The following CYP7B1 variants were observed in gnomAD, a reference collection of about 807,000 sequenced individuals.
CYP7B1 encodes the protein cytochrome P450 7B1.
CYP7B1 carries 29 observed loss-of-function variants against 42.7 expected under a neutral mutation model. The ratio of observed to expected loss-of-function variants is 0.68; its 90% CI spans 0.51 to 0.93. The LOEUF (loss-of-function observed/expected upper bound fraction) is 0.93. Among genes scored for constraint, CYP7B1 ranks in the 40% least tolerant of loss-of-function variants. CYP7B1 has a pLI of 0.00. For missense variants in CYP7B1, 655 were observed against 600.5 expected (o/e 1.09, Z -0.95); for synonymous variants, 235 against 218.2 (o/e 1.08, Z -0.68).
At chr8:64,597,099 A>G (rs1163174329) in intron 5 of CYP7B1, among the ~76,000 whole-genome samples, 170 bp from the exon 6 acceptor site, 1 of 152,204 alleles carries the variant, frequency 6.6e-6, no homozygotes, top group Non-Finnish European at 1.5e-5. Flanking sequence ...AAAAACTCAA[A>G]TATTACTAGG....
chr8:64,757,531 T>A (rs1337646321), intron 1 of CYP7B1, among the ~76,000 whole-genome samples: 3 of 152,182 alleles, frequency 2.0e-5, no homozygotes, highest in Admixed American at 2.0e-4. Flanking sequence ...TCATGGAGAC[T>A]CCCAGGCCTA....
chr8:64,639,267 A>C (rs886452012), intron 1 of CYP7B1, among the ~76,000 whole-genome samples: 1 of 152,220 alleles, frequency 6.6e-6, no homozygotes, highest in African/African-American at 2.4e-5. Context: ...CCAACGTTAA[A>C]AATTCCACTC....
intron 3 of CYP7B1, 70 bp from the exon 4 acceptor site, chr8:64,615,302 T>A: frequency 6.9e-7 from 1 of 1,454,426 alleles, no homozygotes; most frequent in Admixed American, 1.9e-5. Context: ...AGTGTGCTAA[T>A]TAAAAGATGT....
chr8:64,762,467 A>C (rs1807904186), intron 1 of CYP7B1, among the ~76,000 whole-genome samples: 1 of 152,236 alleles, frequency 6.6e-6, no homozygotes, highest in African/African-American at 2.4e-5. Context: ...AAATTAAGAC[A>C]ATGAGTTATC....
intron 1 of CYP7B1, among the ~76,000 whole-genome samples, chr8:64,653,148 T>C (rs1806065997): frequency 6.6e-6 from 1 of 151,898 alleles, no homozygotes; most frequent in South Asian, 2.1e-4. Flanking sequence ...ATAACCAAAA[T>C]CAGAGCTGAA....
At chr8:64,672,352 A>G (rs577173615) in intron 1 of CYP7B1, among the ~76,000 whole-genome samples, 3 of 152,206 alleles carry the variant, frequency 2.0e-5, no homozygotes, top group African/African-American at 7.2e-5. Flanking sequence ...ACTCATTTGA[A>G]AGCAATATAG....
At chr8:64,629,743 C>G (rs1272894783) in intron 1 of CYP7B1, among the ~76,000 whole-genome samples, 1 of 152,120 alleles carries the variant, frequency 6.6e-6, no homozygotes, top group Non-Finnish European at 1.5e-5. Context: ...CACTCTTTAT[C>G]CCCGCACACT....
At position 64,647,299 on chromosome 8, in the gene CYP7B1, A is replaced by T. The variant is rs150574905; in HGVS notation, c.123-22760T>A. Among the ~76,000 whole-genome samples the T allele has an allele frequency of 1.4e-3, 215 of 152,286 alleles. 1 individual carries two copies. The highest frequency in any genetic ancestry group is 4.8e-3 in the African/African-American group (200 of 41,576). On this transcript the variant is annotated intron_variant, in intron 1 of 5. Coordinates refer to ENST00000310193, the MANE Select transcript of CYP7B1 (RefSeq NM_004820.5). Reference sequence around the variant, plus strand: ...ATCACTGACCACAGATCACTGAAAAAGGTATAATAATAATGAAAAAGTTTG... The same window carrying T: ...ATCACTGACCACAGATCACTGAAAATGGTATAATAATAATGAAAAAGTTTG...
chr8:64,663,798 C>T (rs1438667781), intron 1 of CYP7B1, among the ~76,000 whole-genome samples: 2 of 152,176 alleles, frequency 1.3e-5, no homozygotes, highest in African/African-American at 4.8e-5. Flanking sequence ...CCAAAAATTT[C>T]ATTTCTGTCC....
At chr8:64,700,991 TG>T (rs1806907965) in intron 1 of CYP7B1, among the ~76,000 whole-genome samples, 1 of 152,186 alleles carries the variant, frequency 6.6e-6, no homozygotes, top group African/African-American at 2.4e-5. Flanking sequence ...AAATCTTTTT[TG>T]CTTGTGTCCT....
intron 1 of CYP7B1, chr8:64,703,878 T>G (rs1229150443): frequency 6.6e-6 from 1 of 152,104 alleles, no homozygotes; most frequent in Non-Finnish European, 1.5e-5. Context: ...CTTCATCCTT[T>G]GGCTTTTTCT....
At chr8:64,730,731 C>G (rs1335291999) in intron 1 of CYP7B1, among the ~76,000 whole-genome samples, 1 of 145,882 alleles carries the variant, frequency 6.9e-6, no homozygotes, top group Admixed American at 6.9e-5. Flanking sequence ...AATTGGAACC[C>G]TGTGAAGCAA....
chr8:64,606,689 C>T (rs939735514), intron 4 of CYP7B1, among the ~76,000 whole-genome samples: 3 of 152,134 alleles, frequency 2.0e-5, no homozygotes, highest in Non-Finnish European at 4.4e-5. Flanking sequence ...TGTGGCTTAG[C>T]GGTCAGATAG....
intron 5 of CYP7B1, 121 bp from the exon 6 acceptor site, chr8:64,597,050 G>A: frequency 2.4e-6 from 2 of 828,330 alleles, no homozygotes; most frequent in Non-Finnish European, 1.8e-6. Flanking sequence ...GTGAACACCA[G>A]AAAAACTTGG....
At chr8:64,690,854 G>C (rs1806729033) in intron 1 of CYP7B1, among the ~76,000 whole-genome samples, 1 of 152,184 alleles carries the variant, frequency 6.6e-6, no homozygotes, top group South Asian at 2.1e-4. Context: ...GGACATTTTT[G>C]TGGCTTAAAC....
chr8:64,593,762 T>C lies in CYP7B1; in HGVS notation c.*2880A>G, dbSNP rs995799358. 6.6e-6 allele frequency among the ~76,000 whole-genome samples: 1 copy of C among 152,082 alleles called. No homozygotes were observed. The highest frequency in any genetic ancestry group is 1.5e-5 in the Non-Finnish European group (1 of 68,022). On this transcript the variant is annotated 3_prime_UTR_variant, in exon 6 of 6. Coordinates refer to ENST00000310193, the MANE Select transcript of CYP7B1 (RefSeq NM_004820.5). ...CAGAATTAGATCCACAAAACACCAA[T>C]GATTTGGAAATATCAGATACAGAAT...
At chr8:64,745,925 AC>A (rs1473877297) in intron 1 of CYP7B1, among the ~76,000 whole-genome samples, 1 of 152,066 alleles carries the variant, frequency 6.6e-6, no homozygotes, top group Non-Finnish European at 1.5e-5. Flanking sequence ...TGCCATACTC[AC>A]CCTGACAACG....
intron 1 of CYP7B1, among the ~76,000 whole-genome samples, chr8:64,779,313 G>T (rs1172297284): frequency 1.3e-5 from 2 of 151,938 alleles, no homozygotes; most frequent in African/African-American, 4.8e-5. Flanking sequence ...ATCATAAGAG[G>T]ATTCAATAAA....
At chr8:64,742,212 T>C (rs1254346547) in intron 1 of CYP7B1, among the ~76,000 whole-genome samples, 2 of 151,618 alleles carry the variant, frequency 1.3e-5, no homozygotes, top group Non-Finnish European at 2.9e-5. Flanking sequence ...TTAATGTAAA[T>C]ACTGAAAAAA....
Sources: gnomAD v4.1 joint callset for allele counts (sites outside exome capture counted in the v4.1 genomes callset) on GRCh38, gnomAD v4.1.1 for gene constraint, MANE v1.5 for transcripts, NCBI Gene and HGNC (gene_info 2026-07-23, HGNC 2026-07-21) for gene names.